FAF1: variants seen among roughly 807,000 people sequenced by gnomAD.
FAF1 encodes the protein FAS-associated factor 1.
FAF1 carries 25 observed loss-of-function variants against 92.5 expected under a neutral mutation model. The ratio of observed to expected loss-of-function variants is 0.27; its 90% confidence interval spans 0.20 to 0.38. FAF1 has a LOEUF of 0.38. FAF1 is among the 10% of genes least tolerant of loss of function. FAF1 has a pLI of 1.00. For missense variants in FAF1, 636 were observed against 793.3 expected, an observed-to-expected ratio of 0.80 and a Z score of 2.38; for synonymous variants, 234 against 273.2, an observed-to-expected ratio of 0.86 and a Z score of 1.42.
At chr1:50,741,819 A>G (rs575674753) in intron 5 of FAF1, among the ~76,000 whole-genome samples, 1 of 152,346 alleles carries the variant, frequency 6.6e-6, no homozygotes, top group African/African-American at 2.4e-5. Context: ...GAGATATGGG[A>G]TAGGAGGGAA....
At chr1:50,601,814 A>G (rs1046652064) in intron 8 of FAF1, among the ~76,000 whole-genome samples, 1 of 151,932 alleles carries the variant, frequency 6.6e-6, no homozygotes, top group African/African-American at 2.4e-5. Flanking sequence ...ATACATATGA[A>G]TTAGTTCTTC....
chr1:50,564,981 A>AT (rs1188100106), intron 13 of FAF1, among the ~76,000 whole-genome samples: 2 of 151,626 alleles, frequency 1.3e-5, no homozygotes, highest in African/African-American at 4.8e-5. Context: ...TTGCTTTTTA[A>AT]TTTTTTGACA....
chr1:50,533,173 G>A (rs1404726545), intron 15 of FAF1, among the ~76,000 whole-genome samples: 1 of 151,936 alleles, frequency 6.6e-6, no homozygotes, highest in African/African-American at 2.4e-5. Flanking sequence ...GCATGAACAT[G>A]GCTCCCTGTA....
In FAF1 at chr1:50,543,485, A is replaced by T. The variant is rs142099909; in HGVS notation, c.1269-3757T>A. ...AGAGCCTCAGGTATAAAGTGGAAAT[A>T]ACACTTACCTTTAAAACACTTGTCT... On this transcript the variant is annotated intron_variant, in intron 13 of 18. Transcript: ENST00000396153. Among the ~76,000 whole-genome samples the T allele has an allele frequency of 5.3e-5, 8 of 152,330 alleles. No homozygotes were observed. In the East Asian group the frequency reaches 1.3e-3, roughly 26 times the overall value.
chr1:50,718,789 G>T (rs77150187), intron 6 of FAF1, among the ~76,000 whole-genome samples: 1 of 151,488 alleles, frequency 6.6e-6, no homozygotes, highest in Non-Finnish European at 1.5e-5. Context: ...TCTCTCTTTT[G>T]TCTCTTTAGG....
chr1:50,614,839 CAAAAA>C (rs1295301237), intron 8 of FAF1, among the ~76,000 whole-genome samples: 1 of 46,832 alleles, frequency 2.1e-5, no homozygotes, highest in Non-Finnish European at 4.6e-5. Context: ...AACTCCGTCT[CAAAAA>C]AAAAAAAAAA....
At chr1:50,849,288 G>T (rs1644328874) in intron 2 of FAF1, among the ~76,000 whole-genome samples, 1 of 150,686 alleles carries the variant, frequency 6.6e-6, no homozygotes. Context: ...AAAGAAAAAA[G>T]AAAATTACCA....
intron 12 of FAF1, among the ~76,000 whole-genome samples, chr1:50,575,811 TGG>T (rs1423852615): frequency 6.6e-6 from 1 of 152,244 alleles, no homozygotes; most frequent in Non-Finnish European, 1.5e-5. Context: ...GGATATTGTG[TGG>T]TGAGCTAGAA....
chr1:50,465,806 G>C (rs1646487190), intron 18 of FAF1, among the ~76,000 whole-genome samples: 1 of 152,154 alleles, frequency 6.6e-6, no homozygotes, highest in African/African-American at 2.4e-5. Context: ...GAGAGCATGA[G>C]CACTATCTAG....
In FAF1 at chr1:50,542,703, A is replaced by T. The variant is rs147523983; in HGVS notation, c.1269-2975T>A. 5.9e-5 allele frequency among the ~76,000 whole-genome samples: 9 copies of T among 152,338 alleles called. No individual in the cohort carries two copies. In the East Asian group the frequency reaches 1.7e-3, roughly 29 times the overall value. On this transcript the variant is annotated intron_variant, in intron 13 of 18. Transcript: ENST00000396153. ...GGGAAGCAAGGGCAAACCACTCTAC[A>T]ACAAAGGGAAATGGCTCTGTTTTTA...
chr1:50,564,539 TAA>T (rs1650085436), intron 13 of FAF1, among the ~76,000 whole-genome samples: 5 of 152,060 alleles, frequency 3.3e-5, no homozygotes, highest in African/African-American at 1.2e-4. Context: ...CATGGATCAA[TAA>T]ATATTAGTGC....
intron 17 of FAF1, among the ~76,000 whole-genome samples, chr1:50,478,166 C>CTT (rs1287733132): frequency 3.6e-5 from 5 of 139,492 alleles, no homozygotes; most frequent in Admixed American, 7.2e-5. Flanking sequence ...AGTGGTGGTT[C>CTT]TTTTTTTTTT....
At chr1:50,774,239 C>T (rs1311277928) in intron 4 of FAF1, among the ~76,000 whole-genome samples, 1 of 152,078 alleles carries the variant, frequency 6.6e-6, no homozygotes, top group Non-Finnish European at 1.5e-5. Context: ...TCTTTCAAGA[C>T]ACACAAAATT....
At chr1:50,739,136 A>G (rs1174315696) in intron 5 of FAF1, among the ~76,000 whole-genome samples, 182 bp from the exon 6 acceptor site, 1 of 151,938 alleles carries the variant, frequency 6.6e-6, no homozygotes, top group Non-Finnish European at 1.5e-5. Flanking sequence ...TATATATAAT[A>G]TATACATATA....
At chr1:50,602,089 T>C (rs911379930) in intron 8 of FAF1, among the ~76,000 whole-genome samples, 1 of 152,172 alleles carries the variant, frequency 6.6e-6, no homozygotes, top group African/African-American at 2.4e-5. Flanking sequence ...GGAGATTTGG[T>C]TATGTCACCT....
chr1:50,810,205 A>C (rs1457135634), intron 2 of FAF1, among the ~76,000 whole-genome samples: 1 of 152,190 alleles, frequency 6.6e-6, no homozygotes, highest in Non-Finnish European at 1.5e-5. Flanking sequence ...CAGTGAACCA[A>C]GATTGCACCA....
At position 50,787,992 on chromosome 1, in the gene FAF1, A is replaced by G; in HGVS notation, c.367+8T>C. ...TTTGTGAAGGCTTTATGGCAGGAAA[A>G]ACCTTACCAACAGTACAGGTGTCTT... is the stretch of plus-strand genomic sequence containing the variant. On this transcript the variant is annotated splice_region_variant and intron_variant, in intron 4 of 18. Transcript: ENST00000396153. The G allele has an allele frequency of 6.2e-7, 1 of 1,610,028 alleles. No individual in the cohort carries two copies. The highest frequency in any genetic ancestry group is 8.5e-7 in the Non-Finnish European group (1 of 1,176,458).
intron 2 of FAF1, among the ~76,000 whole-genome samples, chr1:50,840,228 G>C (rs1051508024): frequency 1.3e-5 from 2 of 151,854 alleles, no homozygotes; most frequent in Non-Finnish European, 2.9e-5. Flanking sequence ...GGATACGAAA[G>C]CATAAACAAT....
chr1:50,655,907 T>C (rs1655086875), intron 7 of FAF1, among the ~76,000 whole-genome samples: 1 of 152,188 alleles, frequency 6.6e-6, no homozygotes, highest in East Asian at 1.9e-4. Context: ...AAAACATATA[T>C]TTCAAGTTTC....
Sources: gnomAD v4.1 joint callset for allele counts (sites outside exome capture counted in the v4.1 genomes callset) on GRCh38, gnomAD v4.1.1 for gene constraint, MANE v1.5 for transcripts, NCBI Gene and HGNC (gene_info 2026-07-23, HGNC 2026-07-21) for gene names.